The following ANKRD13A variants were observed in gnomAD, a reference collection of about 807,000 sequenced individuals.
The protein encoded by ANKRD13A is ankyrin repeat domain 13A, also known as ankyrin repeat domain-containing protein 13A.
A neutral mutation model predicts 81.3 loss-of-function variants in ANKRD13A; 48 were observed. The observed-to-expected ratio is 0.59, with a 90% CI of 0.47 to 0.75. The LOEUF (loss-of-function observed/expected upper bound fraction) is 0.75, where lower values mean the gene tolerates loss of function less well. Ranked by LOEUF, ANKRD13A falls within the 30% of genes least tolerant of loss-of-function variation. ANKRD13A has a pLI of 0.00. For missense variants in ANKRD13A, 612 were observed against 734.0 expected, an observed-to-expected ratio of 0.83 and a Z score of 1.92; for synonymous variants, 230 against 270.1, an observed-to-expected ratio of 0.85 and a Z score of 1.45.
At chr12:110,024,235 C>T in intron 7 of ANKRD13A, 123 bp downstream of exon 7, 2 of 830,434 alleles carry the variant, frequency 2.4e-6, no homozygotes, top group East Asian at 2.6e-5. Flanking sequence ...TGAGAACTGT[C>T]TAATGTGTCT....
At chr12:110,034,054 A>G (rs975574574) in intron 13 of ANKRD13A, 97 bp downstream of exon 13, 1 of 1,256,306 alleles carries the variant, frequency 8.0e-7, no homozygotes, top group Admixed American at 3.3e-5. Context: ...TATTCTAAAT[A>G]TCAAGTTTGA....
chr12:110,034,059 GT>G, intron 13 of ANKRD13A, 102 bp downstream of exon 13: 1 of 1,206,890 alleles, frequency 8.3e-7, no homozygotes, highest in Middle Eastern at 2.7e-4. Context: ...TAAATATCAA[GT>G]TTGACACATT....
intron 12 of ANKRD13A, chr12:110,032,126 G>A (rs1322302696): frequency 6.6e-6 from 1 of 152,086 alleles, no homozygotes; most frequent in Admixed American, 6.6e-5. Context: ...GGCTGTCCTT[G>A]TCTTGTTCCT....
chr12:110,024,305 G>A (rs149763123), intron 7 of ANKRD13A, among the ~76,000 whole-genome samples, 193 bp downstream of exon 7: 105 of 152,152 alleles, frequency 6.9e-4, no homozygotes, highest in African/African-American at 2.4e-3. Flanking sequence ...AGCATGCCCT[G>A]AGGAGGTCTG....
At chr12:110,024,005 T>C in intron 6 of ANKRD13A, 41 bp from the exon 7 acceptor site, 1 of 1,578,888 alleles carries the variant, frequency 6.3e-7, no homozygotes, top group Non-Finnish European at 8.7e-7. Flanking sequence ...CTGAATGGCA[T>C]ATTGTACATG....
chr12:110,019,959 G>T (rs927787887), intron 6 of ANKRD13A, among the ~76,000 whole-genome samples: 7 of 152,176 alleles, frequency 4.6e-5, no homozygotes, highest in Non-Finnish European at 1.0e-4. Flanking sequence ...GAGGGCATGG[G>T]GGGGCCTTTG....
chr12:110,019,237 T>C lies in ANKRD13A; in HGVS notation c.643T>C (p.Leu215=), dbSNP rs1566054823. The change falls in exon 6 of 15, where the codon TTG becomes CTG. Residue 215 remains leucine, a synonymous_variant. Transcript: ENST00000261739. ...AGAAATGGAGCGCCTCACTCTGGACTTGATGAAGCCAAAAAGCAGGGAAGT... is the reference window on the plus strand; with the variant it reads ...AGAAATGGAGCGCCTCACTCTGGACCTGATGAAGCCAAAAAGCAGGGAAGT... ...SQEMERLTLD[L]MKPKSREVER... 6.2e-7 allele frequency: 1 copy of C among 1,614,162 alleles called. No homozygotes were observed. The highest frequency in any genetic ancestry group is 1.7e-5 in the Admixed American group (1 of 60,022).
intron 1 of ANKRD13A, among the ~76,000 whole-genome samples, chr12:110,000,150 C>A (rs1316790811): frequency 6.6e-6 from 1 of 152,192 alleles, no homozygotes; most frequent in Non-Finnish European, 1.5e-5. Context: ...CCGTCTTAAC[C>A]ATTTTTAGGT....
intron 1 of ANKRD13A, among the ~76,000 whole-genome samples, chr12:110,010,135 G>A (rs1038149185): frequency 6.6e-6 from 1 of 152,208 alleles, no homozygotes; most frequent in African/African-American, 2.4e-5. Flanking sequence ...CCGAAGTGCT[G>A]GGATTACAGG....
intron 1 of ANKRD13A, among the ~76,000 whole-genome samples, chr12:110,003,557 G>A (rs987256066): frequency 6.6e-6 from 1 of 152,248 alleles, no homozygotes; most frequent in African/African-American, 2.4e-5. Flanking sequence ...TGTCTGTGTT[G>A]AGAGAGAGGA....
At chr12:110,023,967 A>C in intron 6 of ANKRD13A, 79 bp from the exon 7 acceptor site, 1 of 1,443,752 alleles carries the variant, frequency 6.9e-7, no homozygotes, top group South Asian at 1.2e-5. Context: ...TGGGGGGGAA[A>C]AAAACTATAA....
chr12:110,005,734 G>A (rs562936213), intron 1 of ANKRD13A, among the ~76,000 whole-genome samples: 6 of 152,106 alleles, frequency 3.9e-5, no homozygotes, highest in Admixed American at 2.0e-4. Flanking sequence ...ATGTTTCTCC[G>A]TTTGTCAGTT....
chr12:110,027,563 T>C (rs1422420244), intron 8 of ANKRD13A, 142 bp from the exon 9 acceptor site: 1 of 757,986 alleles, frequency 1.3e-6, no homozygotes. Context: ...TAGTTTATGG[T>C]TATTGTGAAT....
chr12:110,012,734 T>G (rs1890591884), intron 2 of ANKRD13A, among the ~76,000 whole-genome samples: 1 of 152,226 alleles, frequency 6.6e-6, no homozygotes, highest in Non-Finnish European at 1.5e-5. Context: ...TTGTAAGCTC[T>G]TCTACCATTG....
At position 110,030,664 on chromosome 12, in the gene ANKRD13A, C is replaced by T. The variant is rs1891629418; in HGVS notation, c.1254C>T (p.Val418=). ...TGTTAGAAATTCCCTTGTTTCATGT[C>T]TTAAATGCACGGATTACATTTGGAA... The part of the protein sequence containing the change: ...PVKIEIPLFH[V]LNARITFGNV... Residue 418 remains valine, a synonymous_variant, in exon 12 of 15, where the codon GTC becomes GTT. Coordinates refer to ENST00000261739, the MANE Select transcript of ANKRD13A (RefSeq NM_033121.2). 1.2e-6 allele frequency: 2 copies of T among 1,600,544 alleles called. No homozygotes were observed. The highest frequency in any genetic ancestry group is 1.3e-5 in the African/African-American group (1 of 74,276).
intron 3 of ANKRD13A, among the ~76,000 whole-genome samples, chr12:110,015,331 A>C (rs532124021): frequency 1.7e-4 from 26 of 152,240 alleles, no homozygotes; most frequent in Non-Finnish European, 2.8e-4. Flanking sequence ...AGCACTTGCC[A>C]GCACACAAAC....
At position 110,036,207 on chromosome 12, in the gene ANKRD13A, T is replaced by C. The variant is rs375186462; in HGVS notation, c.1510-54T>C. The C allele has an allele frequency of 3.3e-6, 5 of 1,530,478 alleles. No individual in the cohort carries two copies. Among genetic ancestry groups the C allele is most frequent in the East Asian group, 2.3e-5 (1 of 44,426 alleles). The allele number at this position is 1,530,478 out of a possible 1,614,324, so 94.8% of individuals were successfully genotyped here. On this transcript the variant is annotated intron_variant, in intron 13 of 14. Coordinates refer to ENST00000261739, the MANE Select transcript of ANKRD13A (RefSeq NM_033121.2). The surrounding 1 kb of genome is among the most constrained non-coding windows in gnomAD (Gnocchi z 4.6). ...TGCTGCCATCGTTTCCTTACCAGAA[T>C]GGCACCAATTTCTCCTAAGACGTAT...
rs758650747 is a variant in ANKRD13A, at chr12:110,036,297, C to T, written c.1546C>T (p.Gln516Ter). 2 of 1,614,026 alleles carry T rather than the reference C, an allele frequency of 1.2e-6. No homozygotes were observed. The highest frequency in any genetic ancestry group is 1.1e-5 in the South Asian group (1 of 91,084). The stretch of plus-strand genomic sequence containing the variant: ...ACCAGCTTCGAATGGAGGGATCAGC[C>T]AGACAAACACCTATGACGCCCAGTA... ...SGPASNGGIS[Q>*]TNTYDAQYER... is the part of the protein sequence containing the mutation. The change falls in exon 14 of 15, where the codon CAG (glutamine) becomes TAG (stop). Residue 516 changes from glutamine (Q) to a stop codon, truncating the protein, a stop_gained. Transcript: ENST00000261739. LOFTEE classifies it high-confidence loss of function. This position sits in a 1 kb window ranked among gnomAD's most constrained non-coding sequence, Gnocchi z 4.6.
chr12:110,021,425 CT>C (rs59262099), intron 6 of ANKRD13A: 15,193 of 129,818 alleles, frequency 0.12, 969 homozygotes, highest in African/African-American at 0.32. Flanking sequence ...TTTTTTCTTT[CT>C]TTTTTTTTTT....
Sources: allele counts gnomAD v4.1 joint callset (sites outside exome capture counted in the v4.1 genomes callset), GRCh38; gene constraint gnomAD v4.1.1; non-coding constraint Gnocchi (gnomAD v3.1); transcripts MANE v1.5; gene names NCBI Gene and HGNC (gene_info 2026-07-23, HGNC 2026-07-21).